Variants in BMPR1B observed in about 807,000 individuals in gnomAD.
The protein encoded by BMPR1B is bone morphogenetic protein receptor type-1B.
In BMPR1B, 12 loss-of-function variants were observed where a neutral mutation model predicts 59.1. The ratio of observed to expected loss-of-function variants is 0.20; its 90% confidence interval spans 0.13 to 0.33. BMPR1B has a LOEUF of 0.33. BMPR1B is among the 10% of genes least tolerant of loss of function. BMPR1B has a pLI of 1.00. For synonymous variants in BMPR1B, 237 were observed against 207.3 expected (o/e 1.14, Z -1.23); for missense variants, 550 against 610.9 (o/e 0.90, Z 1.05).
intron 2 of BMPR1B, among the ~76,000 whole-genome samples, chr4:94,882,686 A>G (rs1412639759): frequency 6.6e-6 from 1 of 152,190 alleles, no homozygotes; most frequent in East Asian, 1.9e-4. Context: ...TCTGACTTAC[A>G]GTACTTTTGA....
chr4:94,790,119 G>A (rs1722920726), intron 1 of BMPR1B, among the ~76,000 whole-genome samples: 1 of 152,148 alleles, frequency 6.6e-6, no homozygotes, highest in South Asian at 2.1e-4. Context: ...TCAGTTGACT[G>A]TATTGGTAAG....
chr4:94,901,277 C>G (rs972623446), intron 2 of BMPR1B, among the ~76,000 whole-genome samples: 1 of 151,836 alleles, frequency 6.6e-6, no homozygotes, highest in Non-Finnish European at 1.5e-5. Context: ...TATCAGAATG[C>G]CTCACCTGTA....
chr4:94,789,262 A>G (rs567668010), intron 1 of BMPR1B, among the ~76,000 whole-genome samples: 5 of 152,294 alleles, frequency 3.3e-5, no homozygotes, highest in Non-Finnish European at 7.4e-5. Context: ...CACCTTTACA[A>G]TTTGCTTTAA....
chr4:94,900,531 A>G (rs528659681), intron 2 of BMPR1B, among the ~76,000 whole-genome samples: 2 of 152,166 alleles, frequency 1.3e-5, no homozygotes, highest in African/African-American at 4.8e-5. Context: ...ATGCAAGTGT[A>G]TTAAAAACAA....
intron 10 of BMPR1B, 99 bp downstream of exon 10, chr4:95,131,611 A>T: frequency 7.2e-7 from 1 of 1,384,996 alleles, no homozygotes; most frequent in Non-Finnish European, 1.0e-6. Flanking sequence ...GAAGAGGAAT[A>T]TCATTAATTT....
intron 2 of BMPR1B, among the ~76,000 whole-genome samples, chr4:94,936,935 C>T (rs1397853436): frequency 1.3e-5 from 2 of 152,074 alleles, no homozygotes; most frequent in Non-Finnish European, 2.9e-5. Flanking sequence ...AAACTGTCTA[C>T]CATTTCATCA....
rs1239895406 is a variant in BMPR1B, at chr4:94,986,198, C to T, written c.-112-9842C>T. ...GCTATTTGTTAACATTATTTCGTCT[C>T]TTTATTGGGTCATGAAAAAAAGTTT... On this transcript the variant is annotated intron_variant, in intron 2 of 12. Transcript: ENST00000515059. 6.6e-5 allele frequency among the ~76,000 whole-genome samples: 10 copies of T among 152,180 alleles called. No homozygotes were observed. In the East Asian group the frequency reaches 1.9e-3, roughly 29 times the overall value.
rs6857704 is a variant in BMPR1B at position 95,088,870 on chromosome 4, C to A, written c.-17-15538C>A. Among the ~76,000 whole-genome samples the A allele has an allele frequency of 4.8e-3, 723 of 151,966 alleles. 7 individuals carry two copies. Among genetic ancestry groups the A allele is most frequent in the African/African-American group, 0.017 (695 of 41,472 alleles). ...GAGTTAAAACTGACAAGTTTTGCCA[C>A]CCTGTAATTCTTTGCTGAGTTTTTA... On this transcript the variant is annotated intron_variant, in intron 3 of 12. Coordinates refer to ENST00000515059, the MANE Select transcript of BMPR1B (RefSeq NM_001203.3).
chr4:94,940,395 G>A (rs113637969), intron 2 of BMPR1B, among the ~76,000 whole-genome samples: 211 of 152,310 alleles, frequency 1.4e-3, no homozygotes, highest in African/African-American at 4.8e-3. Context: ...TGCATCCAGT[G>A]TGGCCTAGGG....
At chr4:94,861,347 A>G (rs1725969614) in intron 1 of BMPR1B, among the ~76,000 whole-genome samples, 2 of 152,218 alleles carry the variant, frequency 1.3e-5, no homozygotes, top group East Asian at 1.9e-4. Flanking sequence ...GCATATCTAC[A>G]TTCATTGTCA....
Position 94,838,581 on chromosome 4 carries a change from T to C in BMPR1B, c.-182-37250T>C, listed in dbSNP as rs1436512754. On this transcript the variant is annotated intron_variant, in intron 1 of 12. Transcript: ENST00000515059. ...TGTAGTATTCTCTGATGGTAGTTTG[T>C]ATTTCTGTTGGATCGGTGGTGATAT... Among the ~76,000 whole-genome samples, 729 of 139,464 alleles carry C rather than the reference T, an allele frequency of 5.2e-3. 44 individuals are homozygous for C. The highest frequency in any genetic ancestry group is 0.018 in the African/African-American group (684 of 37,102). The allele number at this position is 139,464 out of a possible 152,430, so 91.5% of individuals were successfully genotyped here. A position where few individuals can be genotyped will look rare whatever the true frequency, so the allele number is the denominator to read the frequency against.
At chr4:94,884,856 G>A (rs1727111534) in intron 2 of BMPR1B, among the ~76,000 whole-genome samples, 1 of 152,186 alleles carries the variant, frequency 6.6e-6, no homozygotes, top group African/African-American at 2.4e-5. Flanking sequence ...CTGGTCTTGT[G>A]ATTTGCTTTA....
intron 5 of BMPR1B, among the ~76,000 whole-genome samples, chr4:95,115,045 TAC>T (rs916192052): frequency 1.3e-5 from 2 of 152,174 alleles, no homozygotes; most frequent in Non-Finnish European, 2.9e-5. Context: ...TATGGTTAGA[TAC>T]ACAAATGGAT....
intron 3 of BMPR1B, among the ~76,000 whole-genome samples, chr4:95,096,853 TA>T (rs1303472403): frequency 9.9e-5 from 14 of 141,866 alleles, no homozygotes; most frequent in Non-Finnish European, 2.1e-4. Context: ...TATAGGTATA[TA>T]AATATATAAC....
chr4:94,892,022 C>G (rs534302597), intron 2 of BMPR1B, among the ~76,000 whole-genome samples: 1 of 152,160 alleles, frequency 6.6e-6, no homozygotes, highest in Non-Finnish European at 1.5e-5. Context: ...GCTGTACTTG[C>G]AAACTTCATT....
intron 2 of BMPR1B, among the ~76,000 whole-genome samples, chr4:94,990,814 A>AG (rs1227969302): frequency 6.6e-6 from 1 of 152,106 alleles, no homozygotes; most frequent in Non-Finnish European, 1.5e-5. Flanking sequence ...ATTTAACATT[A>AG]GGTATTGTTT....
At chr4:95,006,340 C>G (rs62316233) in intron 3 of BMPR1B, among the ~76,000 whole-genome samples, 2 of 145,450 alleles carry the variant, frequency 1.4e-5, no homozygotes, top group African/African-American at 5.1e-5. Context: ...ATCAGGAGTA[C>G]GAGACCAGCC....
intron 2 of BMPR1B, among the ~76,000 whole-genome samples, chr4:94,932,903 G>T (rs144863535): frequency 6.6e-6 from 1 of 152,026 alleles, no homozygotes; most frequent in Non-Finnish European, 1.5e-5. Context: ...ATTCTGTCAG[G>T]ATCATCATCT....
At chr4:94,766,750 A>G (rs17022104) in intron 1 of BMPR1B, among the ~76,000 whole-genome samples, 3,318 of 151,992 alleles carry the variant, frequency 0.022, 113 homozygotes, top group African/African-American at 0.076. Flanking sequence ...TACTGAATTG[A>G]GAGCATAATA....
Sources: gnomAD v4.1 joint callset for allele counts (sites outside exome capture counted in the v4.1 genomes callset) on GRCh38, gnomAD v4.1.1 for gene constraint, MANE v1.5 for transcripts, NCBI Gene and HGNC (gene_info 2026-07-23, HGNC 2026-07-21) for gene names.